The following LAPTM4B variants were observed in gnomAD, a reference collection of about 807,000 sequenced individuals.
The protein encoded by LAPTM4B is lysosomal protein transmembrane 4 beta.
In LAPTM4B, 26 loss-of-function variants were observed where a neutral mutation model predicts 28.5. The observed-to-expected ratio is 0.91, with a 90% CI of 0.67 to 1.27. The LOEUF (loss-of-function observed/expected upper bound fraction) is 1.27, where lower values mean the gene tolerates loss of function less well. LAPTM4B is among the 50% of genes most tolerant of loss of function. LAPTM4B has a pLI of 0.00. For synonymous variants in LAPTM4B, 109 were observed against 106.4 expected (o/e 1.02, Z -0.15); for missense variants, 288 against 285.8 (o/e 1.01, Z -0.06).
chr8:97,821,875 A>G (rs1257705021), intron 5 of LAPTM4B, among the ~76,000 whole-genome samples: 1 of 152,162 alleles, frequency 6.6e-6, no homozygotes, highest in Non-Finnish European at 1.5e-5. Context: ...CTTTTACCTT[A>G]TGTCAGAAGC....
chr8:97,789,998 A>G lies in LAPTM4B; in HGVS notation c.99+13890A>G, dbSNP rs141375715. On this transcript the variant is annotated intron_variant, in intron 1 of 6. Transcript: ENST00000521545. ...TGGTTTCCTGTGCCTGGCTTATTTC[A>G]CTTTACATAATGACCTCCAGTTCCA... Among the ~76,000 whole-genome samples the G allele has an allele frequency of 6.6e-3, 1,009 of 152,186 alleles. 16 individuals are homozygous for G. Among genetic ancestry groups the G allele is most frequent in the African/African-American group, 0.022 (931 of 41,510 alleles).
chr8:97,837,303 C>T (rs984242968), intron 6 of LAPTM4B, among the ~76,000 whole-genome samples: 1 of 151,008 alleles, frequency 6.6e-6, no homozygotes, highest in Non-Finnish European at 1.5e-5. Context: ...CGTTATTCTC[C>T]TGTCTCAGCC....
At chr8:97,837,682 T>TTAAA (rs1429660825) in intron 6 of LAPTM4B, among the ~76,000 whole-genome samples, 1 of 152,172 alleles carries the variant, frequency 6.6e-6, no homozygotes, top group Admixed American at 6.6e-5. Context: ...TTCAGGTACA[T>TTAAA]TAAAAGCAGC....
chr8:97,803,005 C>T (rs1381318976), intron 1 of LAPTM4B, among the ~76,000 whole-genome samples: 2 of 151,850 alleles, frequency 1.3e-5, no homozygotes, highest in East Asian at 2.0e-4. Flanking sequence ...TCAAGACCAG[C>T]CTGACCAAGA....
intron 1 of LAPTM4B, among the ~76,000 whole-genome samples, chr8:97,783,993 A>G: frequency 6.6e-6 from 1 of 152,020 alleles, no homozygotes; most frequent in Admixed American, 6.6e-5. Context: ...AATTTTCTTC[A>G]CCCCTTCACA....
At chr8:97,784,148 A>G (rs544855778) in intron 1 of LAPTM4B, among the ~76,000 whole-genome samples, 4 of 152,252 alleles carry the variant, frequency 2.6e-5, no homozygotes, top group South Asian at 2.1e-4. Context: ...TTAGACCTCA[A>G]AGCAACCCTG....
chr8:97,817,518 G>A (rs1310244128), intron 4 of LAPTM4B, among the ~76,000 whole-genome samples: 2 of 149,358 alleles, frequency 1.3e-5, no homozygotes, highest in Admixed American at 6.7e-5. Context: ...TGTGATCTCG[G>A]CTCACTGCAA....
chr8:97,776,534 G>A (rs1816219620), intron 1 of LAPTM4B, among the ~76,000 whole-genome samples: 2 of 152,224 alleles, frequency 1.3e-5, no homozygotes, highest in Non-Finnish European at 1.5e-5. Flanking sequence ...AGGTGACGGC[G>A]CATATTTTGC....
intron 6 of LAPTM4B, among the ~76,000 whole-genome samples, chr8:97,830,041 G>A (rs1340209294): frequency 6.6e-6 from 1 of 152,190 alleles, no homozygotes; most frequent in African/African-American, 2.4e-5. Context: ...GGAGGGTAAA[G>A]GTGTGGGGGT....
intron 6 of LAPTM4B, among the ~76,000 whole-genome samples, chr8:97,829,471 A>G (rs1318122868): frequency 2.0e-5 from 3 of 152,180 alleles, no homozygotes; most frequent in South Asian, 4.1e-4. Flanking sequence ...GTAAAGGAAC[A>G]TAAGGAAGAC....
At chr8:97,836,020 C>A (rs1293969901) in intron 6 of LAPTM4B, among the ~76,000 whole-genome samples, 1 of 152,134 alleles carries the variant, frequency 6.6e-6, no homozygotes, top group Non-Finnish European at 1.5e-5. Context: ...TTTTGAGAAT[C>A]TAATGCTTGA....
chr8:97,787,209 A>G (rs1242789085), intron 1 of LAPTM4B, among the ~76,000 whole-genome samples: 2 of 152,074 alleles, frequency 1.3e-5, no homozygotes, highest in Non-Finnish European at 2.9e-5. Context: ...AAATGCACAC[A>G]TCACTTTCAC....
intron 2 of LAPTM4B, among the ~76,000 whole-genome samples, chr8:97,814,247 C>T (rs1230527932): frequency 3.3e-5 from 5 of 152,178 alleles, no homozygotes; most frequent in African/African-American, 9.7e-5. Flanking sequence ...TGGTGGCTCA[C>T]GCCTGTAATC....
chr8:97,813,903 GA>G (rs1816864028), intron 2 of LAPTM4B, among the ~76,000 whole-genome samples: 1 of 151,968 alleles, frequency 6.6e-6, no homozygotes, highest in Admixed American at 6.6e-5. Flanking sequence ...CCAGATCTAG[GA>G]AAAGCAGTTT....
chr8:97,843,780 C>T (rs1224639678), intron 6 of LAPTM4B, among the ~76,000 whole-genome samples: 2 of 149,006 alleles, frequency 1.3e-5, no homozygotes, highest in East Asian at 4.0e-4. Context: ...AACTCCATCT[C>T]AAATAAATAA....
At chr8:97,794,226 C>T (rs768671141) in intron 1 of LAPTM4B, among the ~76,000 whole-genome samples, 5 of 152,130 alleles carry the variant, frequency 3.3e-5, no homozygotes, top group South Asian at 2.1e-4. Context: ...GTGAACCGCC[C>T]GCCTTGGCCT....
rs541661863 is a variant in LAPTM4B, at chr8:97,821,390, C to T, written c.507+2152C>T. Among the ~76,000 whole-genome samples, 143 of 152,018 alleles carry T rather than the reference C, an allele frequency of 9.4e-4. 2 individuals carry two copies. In the South Asian group the frequency reaches 0.023, roughly 25 times the overall value. On this transcript the variant is annotated intron_variant, in intron 5 of 6. Coordinates refer to ENST00000521545, the MANE Select transcript of LAPTM4B (RefSeq NM_018407.6). Reference sequence around the variant, plus strand: ...ACCAGGTCGTGGGGGTTGTGAAGTCCGGCGGAGTCAGAGGAATGAGACAAG... The same window carrying T: ...ACCAGGTCGTGGGGGTTGTGAAGTCTGGCGGAGTCAGAGGAATGAGACAAG...
chr8:97,829,471 A>T (rs1318122868), intron 6 of LAPTM4B, among the ~76,000 whole-genome samples: 1 of 152,180 alleles, frequency 6.6e-6, no homozygotes, highest in African/African-American at 2.4e-5. Context: ...GTAAAGGAAC[A>T]TAAGGAAGAC....
intron 1 of LAPTM4B, among the ~76,000 whole-genome samples, chr8:97,792,259 T>C (rs1367696392): frequency 6.6e-6 from 1 of 152,112 alleles, no homozygotes; most frequent in African/African-American, 2.4e-5. Context: ...GGTTCTTTTT[T>C]ATTTTTATTT....
Sources: allele counts gnomAD v4.1 joint callset (sites outside exome capture counted in the v4.1 genomes callset), GRCh38; gene constraint gnomAD v4.1.1; transcripts MANE v1.5; gene names NCBI Gene and HGNC (gene_info 2026-07-23, HGNC 2026-07-21).